ADD2: variants seen among roughly 807,000 people sequenced by gnomAD.
The protein encoded by ADD2 is adducin 2.
In ADD2, 23 loss-of-function variants were observed where a neutral mutation model predicts 83.0. The ratio of observed to expected loss-of-function variants is 0.28; its 90% CI spans 0.20 to 0.39. The LOEUF (loss-of-function observed/expected upper bound fraction) is 0.39. ADD2 is among the 10% of genes least tolerant of loss of function. The pLI is 1.00. For missense variants in ADD2, 758 were observed against 944.9 expected, an observed-to-expected ratio of 0.80 and a Z score of 2.59; for synonymous variants, 375 against 375.4, an observed-to-expected ratio of 1.00 and a Z score of 0.01.
chr2:70,755,653 C>T (rs1245526431), intron 1 of ADD2, among the ~76,000 whole-genome samples: 3 of 152,180 alleles, frequency 2.0e-5, no homozygotes, highest in Admixed American at 1.3e-4. Context: ...ATCTAGTACA[C>T]CTCCAGCAAA....
Position 70,678,773 on chromosome 2 carries a change from G to A in ADD2, c.1314C>T (p.Asn438=). The A allele has an allele frequency of 6.2e-7, 1 of 1,613,196 alleles. No individual in the cohort carries two copies. Among genetic ancestry groups the A allele is most frequent in the Non-Finnish European group, 8.5e-7 (1 of 1,179,538 alleles). Reference sequence around the variant, plus strand: ...CGGCCACATTGACCCGCAGGTAGGTGTTGGGCGTATTGAGCCAGCGGGTCT... The same window carrying A: ...CGGCCACATTGACCCGCAGGTAGGTATTGGGCGTATTGAGCCAGCGGGTCT... ...KEKTRWLNTP[N]TYLRVNVADE... is the part of the protein sequence containing the mutation. Residue 438 remains asparagine (N), a synonymous_variant, in exon 11 of 16, where the codon AAC becomes AAT. Coordinates refer to ENST00000264436, the MANE Select transcript of ADD2 (RefSeq NM_001617.4).
chr2:70,735,221 G>C (rs1222232297), intron 1 of ADD2, among the ~76,000 whole-genome samples: 1 of 151,602 alleles, frequency 6.6e-6, no homozygotes, highest in Non-Finnish European at 1.5e-5. Context: ...GAAAAGAAGG[G>C]GAAAAAAAAG....
chr2:70,763,924 G>C (rs1051200750), intron 1 of ADD2, among the ~76,000 whole-genome samples: 1 of 150,582 alleles, frequency 6.6e-6, no homozygotes, highest in Non-Finnish European at 1.5e-5. Flanking sequence ...GTCTCGCTCT[G>C]TTGCCCAGGC....
intron 1 of ADD2, among the ~76,000 whole-genome samples, chr2:70,743,536 G>T (rs1197026805): frequency 6.6e-6 from 1 of 152,046 alleles, no homozygotes; most frequent in African/African-American, 2.4e-5. Context: ...CTTAACAGTG[G>T]GAGAAGAAGA....
chr2:70,707,143 T>C (rs1001175008), intron 2 of ADD2, among the ~76,000 whole-genome samples: 18 of 152,252 alleles, frequency 1.2e-4, no homozygotes, highest in Non-Finnish European at 2.4e-4. Flanking sequence ...TAAACTTCGC[T>C]CTGGCCCCTG....
intron 9 of ADD2, 148 bp from the exon 10 acceptor site, chr2:70,683,915 GC>G: frequency 1.3e-6 from 1 of 775,542 alleles, no homozygotes; most frequent in Non-Finnish European, 1.9e-6. Flanking sequence ...TGATGGGCAT[GC>G]CCCCATTTCC....
intron 1 of ADD2, among the ~76,000 whole-genome samples, chr2:70,730,377 C>G (rs1673220014): frequency 6.6e-6 from 1 of 152,240 alleles, no homozygotes; most frequent in South Asian, 2.1e-4. Flanking sequence ...CAAAATTAGT[C>G]ACACAGATGC....
In ADD2 at chr2:70,672,972, T is replaced by A; in HGVS notation, c.1776A>T (p.Ser592=). 6.2e-7 allele frequency: 1 copy of A among 1,613,916 alleles called. No individual in the cohort carries two copies. The highest frequency in any genetic ancestry group is 8.5e-7 in the Non-Finnish European group (1 of 1,179,978). Residue 592 remains serine (S), a synonymous_variant, in exon 15 of 16, where the codon TCA becomes TCT. Coordinates refer to ENST00000264436, the MANE Select transcript of ADD2 (RefSeq NM_001617.4). ...EKETAPEEPG[S]PAKSAPASPV... is the part of the protein sequence containing the mutation. ...GAGAAGCAGGTGCAGACTTTGCAGG[T>A]GAGCCAGGCTCTTCTGGGGCAGTTT... is the stretch of plus-strand genomic sequence containing the variant.
rs1258363906 is a variant in ADD2 at position 70,658,272 on chromosome 2, G to A, written c.*5153C>T. 1.2e-4 allele frequency: 19 copies of A among 152,170 alleles called. No homozygotes were observed. Among genetic ancestry groups the A allele is most frequent in the Non-Finnish European group, 1.5e-4 (10 of 68,038 alleles). 9.4% of individuals were successfully genotyped at this position (152,170 alleles called of 1,614,324 possible). A position where few individuals can be genotyped will look rare whatever the true frequency, so the allele number is the denominator to read the frequency against. ...GGCTGCTCATTGTGAGAGGTAAAGG[G>A]ATGTTGGGCATTCCTTGGTGACCGA... On this transcript the variant is annotated 3_prime_UTR_variant, in exon 16 of 16. Coordinates refer to ENST00000264436, the MANE Select transcript of ADD2 (RefSeq NM_001617.4).
rs535147106 is a variant in ADD2, at chr2:70,660,741, T to A, written c.*2684A>T. On this transcript the variant is annotated 3_prime_UTR_variant, in exon 16 of 16. Coordinates refer to ENST00000264436, the MANE Select transcript of ADD2 (RefSeq NM_001617.4). The stretch of plus-strand genomic sequence containing the variant: ...ATGCGTCCACACCTTTGCACATTCT[T>A]CCCTCATTGTGGCATGCCCTGCCAA... 1.2e-4 allele frequency: 18 copies of A among 152,322 alleles called. No individual in the cohort carries two copies. Among genetic ancestry groups the A allele is most frequent in the African/African-American group, 4.3e-4 (18 of 41,562 alleles). 9.4% of individuals were successfully genotyped at this position (152,322 alleles called of 1,614,324 possible).
intron 3 of ADD2, 123 bp from the exon 4 acceptor site, chr2:70,704,582 C>G (rs1298583794): frequency 8.5e-6 from 10 of 1,182,562 alleles, no homozygotes; most frequent in Admixed American, 2.3e-5. Flanking sequence ...GCTCAGGGTC[C>G]CCAGCTACAG....
intron 6 of ADD2, among the ~76,000 whole-genome samples, chr2:70,694,110 G>A (rs1671190853): frequency 6.6e-6 from 1 of 152,142 alleles, no homozygotes; most frequent in South Asian, 2.1e-4. Flanking sequence ...GCAGCCCTAT[G>A]TCTACACACA....
chr2:70,698,440 G>A (rs751609227), intron 4 of ADD2, among the ~76,000 whole-genome samples: 5 of 152,230 alleles, frequency 3.3e-5, no homozygotes, highest in Non-Finnish European at 5.9e-5. Context: ...GAGGTGGGAT[G>A]AAGACAGGTT....
intron 9 of ADD2, among the ~76,000 whole-genome samples, chr2:70,685,403 C>T (rs2104289798): frequency 6.6e-6 from 1 of 152,256 alleles, no homozygotes; most frequent in South Asian, 2.1e-4. Flanking sequence ...ATTATCTACG[C>T]CCTTCTCGTC....
intron 1 of ADD2, among the ~76,000 whole-genome samples, chr2:70,747,020 T>C (rs1256091005): frequency 6.7e-6 from 1 of 149,382 alleles, no homozygotes; most frequent in East Asian, 1.9e-4. Context: ...TTTTTTTTTT[T>C]TTTTTTTGAG....
chr2:70,736,550 C>G (rs920560967), intron 1 of ADD2, among the ~76,000 whole-genome samples: 3 of 152,200 alleles, frequency 2.0e-5, no homozygotes, highest in African/African-American at 7.2e-5. Flanking sequence ...AAGTCTGCCA[C>G]AACATTCAGT....
intron 1 of ADD2, among the ~76,000 whole-genome samples, chr2:70,752,263 C>T (rs1674543221): frequency 6.6e-6 from 1 of 152,078 alleles, no homozygotes; most frequent in African/African-American, 2.4e-5. Context: ...AGGTCATTAA[C>T]TGCAGGTCTA....
chr2:70,689,369 C>A (rs1670910074), intron 8 of ADD2, among the ~76,000 whole-genome samples: 1 of 152,254 alleles, frequency 6.6e-6, no homozygotes, highest in South Asian at 2.1e-4. Context: ...ATCCATGTGT[C>A]AGATCTGTCT....
chr2:70,739,191 C>T (rs10210718), intron 1 of ADD2, among the ~76,000 whole-genome samples: 52,043 of 151,778 alleles, frequency 0.34, 8,976 homozygotes, highest in Middle Eastern at 0.41. Flanking sequence ...AACAAATTTA[C>T]AGGAAAAAAA....
Sources: gnomAD v4.1 joint callset for allele counts (sites outside exome capture counted in the v4.1 genomes callset) on GRCh38, gnomAD v4.1.1 for gene constraint, MANE v1.5 for transcripts, NCBI Gene and HGNC (gene_info 2026-07-23, HGNC 2026-07-21) for gene names.